The following EPS15 variants were observed in gnomAD, a reference collection of about 807,000 sequenced individuals.
The protein encoded by EPS15 is epidermal growth factor receptor pathway substrate 15.
A neutral mutation model predicts 113.8 loss-of-function variants in EPS15; 72 were observed. The observed-to-expected ratio is 0.63, with a 90% CI of 0.52 to 0.77. The LOEUF is 0.77. Among genes scored for constraint, EPS15 ranks in the 30% least tolerant of loss-of-function variants. The pLI, the probability that EPS15 is intolerant of heterozygous loss-of-function variation, is 0.00. For missense variants in EPS15, 1,048 were observed against 1,045.8 expected (o/e 1.00, Z -0.03); for synonymous variants, 344 against 363.4 (o/e 0.95, Z 0.61).
At chr1:51,469,611 ACTT>A (rs1314878081) in intron 4 of EPS15, among the ~76,000 whole-genome samples, 3 of 152,172 alleles carry the variant, frequency 2.0e-5, no homozygotes, top group South Asian at 2.1e-4. Context: ...ACCCTTCACT[ACTT>A]CTCTGAAATC....
At chr1:51,507,003 A>C (rs900490787) in intron 1 of EPS15, among the ~76,000 whole-genome samples, 21 of 152,174 alleles carry the variant, frequency 1.4e-4, no homozygotes, top group African/African-American at 4.8e-4. Flanking sequence ...CAACCAAATT[A>C]AATATGCTCG....
At position 51,408,178 on chromosome 1, in the gene EPS15, G is replaced by C. The variant is rs763509874; in HGVS notation, c.1430C>G (p.Pro477Arg). 2 of 1,614,048 alleles carry C rather than the reference G, an allele frequency of 1.2e-6. No homozygotes were observed. Among genetic ancestry groups the C allele is most frequent in the South Asian group, 2.2e-5 (2 of 91,084 alleles). The change falls in exon 15 of 25, where the codon CCT (proline) becomes CGT (arginine). Residue 477 changes from proline (P) to arginine (R), a missense_variant. Pro to Arg is a moderately radical substitution (Grantham distance 103, BLOSUM62 -2). Coordinates refer to ENST00000371733, the MANE Select transcript of EPS15 (RefSeq NM_001981.3). ...TGAATCTTGTAGGTGCTGCTGAAGAGGTTCCAACTGAGCCTTCCCTGACTC... is the reference window on the plus strand; with the variant it reads ...TGAATCTTGTAGGTGCTGCTGAAGACGTTCCAACTGAGCCTTCCCTGACTC... ...SVESGKAQLEPLQQHLQDSQQ... is the reference protein window; with the variant it reads ...SVESGKAQLERLQQHLQDSQQ...
chr1:51,493,786 A>AT (rs1374352109), intron 1 of EPS15, among the ~76,000 whole-genome samples: 7 of 150,596 alleles, frequency 4.6e-5, no homozygotes, highest in South Asian at 2.1e-4. Context: ...TAATTTTTGT[A>AT]TTTTTTTTAG....
chr1:51,452,022 C>T (rs796930849), intron 8 of EPS15, among the ~76,000 whole-genome samples: 2 of 151,804 alleles, frequency 1.3e-5, no homozygotes, highest in African/African-American at 4.8e-5. Context: ...GCTGGGTCTA[C>T]AGGTAAACGC....
intron 8 of EPS15, among the ~76,000 whole-genome samples, chr1:51,453,040 G>A (rs1241351793): frequency 1.3e-5 from 2 of 152,178 alleles, no homozygotes; most frequent in Non-Finnish European, 2.9e-5. Context: ...TTCAATTTCA[G>A]TTTTAGAAAC....
intron 1 of EPS15, among the ~76,000 whole-genome samples, chr1:51,493,695 T>A (rs1488763793): frequency 6.6e-6 from 1 of 151,420 alleles, no homozygotes; most frequent in Non-Finnish European, 1.5e-5. Flanking sequence ...CTCGGCTCAC[T>A]GCAACCTCCG....
chr1:51,519,232 G>A lies in EPS15; in HGVS notation c.-1C>T, dbSNP rs1296439422. On this transcript the variant is annotated 5_prime_UTR_variant, in exon 1 of 25. Coordinates refer to ENST00000371733, the MANE Select transcript of EPS15 (RefSeq NM_001981.3). ...GAGAGAGCTGGGCCGCCGCAGCCAT[G>A]GTGTTTCCATCATGCAAGGGAGGGG... 2.9e-6 allele frequency: 4 copies of A among 1,386,718 alleles called. No homozygotes were observed. Among genetic ancestry groups the A allele is most frequent in the East Asian group, 2.9e-5 (1 of 34,938 alleles). 85.9% of individuals were successfully genotyped at this position (1,386,718 alleles called of 1,614,324 possible). A position where few individuals can be genotyped will look rare whatever the true frequency, so the allele number is the denominator to read the frequency against.
At chr1:51,461,522 A>T (rs982321026) in intron 7 of EPS15, among the ~76,000 whole-genome samples, 41 of 73,066 alleles carry the variant, frequency 5.6e-4, no homozygotes, top group Non-Finnish European at 7.8e-4. Flanking sequence ...ACTGTTTCTT[A>T]AAAAAAAAAA....
In EPS15 at chr1:51,409,539, T is replaced by C. The variant is rs978913499; in HGVS notation, c.1271A>G (p.Gln424Arg). The change falls in exon 14 of 25, where the codon CAA becomes CGA. Residue 424 changes from glutamine (Q) to arginine (R), a missense_variant. By Grantham distance (43) the Gln-to-Arg change is conservative (BLOSUM62 1). Coordinates refer to ENST00000371733, the MANE Select transcript of EPS15 (RefSeq NM_001981.3). ...CAGGAAACAGCCAGACATTACCAGT[T>C]GGGCCTCCTCAGCACATTTCTTTCT... ...EVRKKCAEEA[Q>R]LISSLKAELT... The C allele has an allele frequency of 2.3e-5, 37 of 1,608,612 alleles. No individual in the cohort carries two copies. Among genetic ancestry groups the C allele is most frequent in the Non-Finnish European group, 3.1e-5 (36 of 1,178,684 alleles).
intron 4 of EPS15, 58 bp downstream of exon 4, chr1:51,471,632 G>T: frequency 2.3e-6 from 3 of 1,326,270 alleles, no homozygotes; most frequent in Non-Finnish European, 3.2e-6. Flanking sequence ...AAACCCTGCT[G>T]GCTATTTTTT....
At chr1:51,433,616 A>C (rs1651909935) in intron 12 of EPS15, among the ~76,000 whole-genome samples, 1 of 152,258 alleles carries the variant, frequency 6.6e-6, no homozygotes, top group Admixed American at 6.5e-5. Context: ...GGAAATGAAG[A>C]CTAGTTCATT....
At chr1:51,360,712 C>CATAT (rs145975448) in intron 24 of EPS15, among the ~76,000 whole-genome samples, 4,557 of 152,220 alleles carry the variant, frequency 0.03, 74 homozygotes, top group African/African-American at 0.05. Context: ...TCTATCCTCT[C>CATAT]ATATAATATT....
At chr1:51,469,772 C>T (rs1474473850) in intron 4 of EPS15, among the ~76,000 whole-genome samples, 1 of 152,100 alleles carries the variant, frequency 6.6e-6, no homozygotes. Context: ...ATTCATTCCA[C>T]AACCTTCTGT....
chr1:51,362,003 G>A (rs774351959), intron 23 of EPS15, among the ~76,000 whole-genome samples: 2 of 152,160 alleles, frequency 1.3e-5, no homozygotes, highest in Non-Finnish European at 2.9e-5. Flanking sequence ...ATAGTATTCT[G>A]TCCTATTAGT....
At chr1:51,356,987 C>A in intron 24 of EPS15, 141 bp from the exon 25 acceptor site, 3 of 638,972 alleles carry the variant, frequency 4.7e-6, no homozygotes, top group Admixed American at 3.2e-5. Context: ...TTTTTTTCCC[C>A]CTGAAAACAT....
At chr1:51,475,081 T>C (rs537781311) in intron 2 of EPS15, among the ~76,000 whole-genome samples, 13 of 152,312 alleles carry the variant, frequency 8.5e-5, no homozygotes, top group African/African-American at 1.4e-4. Context: ...CAGTCTATCA[T>C]TGATGGACAT....
At chr1:51,358,418 A>G (rs1267725742) in intron 24 of EPS15, among the ~76,000 whole-genome samples, 1 of 152,244 alleles carries the variant, frequency 6.6e-6, no homozygotes, top group Non-Finnish European at 1.5e-5. Context: ...CCAAACAGCA[A>G]CCTTGGCAAA....
chr1:51,409,420 T>C lies in EPS15; in HGVS notation c.1275+115A>G, dbSNP rs541431691. 1.0e-5 allele frequency: 10 copies of C among 965,218 alleles called. No homozygotes were observed. The East Asian group carries it at 2.5e-4, about 25-fold the overall frequency. The allele number at this position is 965,218 out of a possible 1,614,324, so 59.8% of individuals were successfully genotyped here. On this transcript the variant is annotated intron_variant, in intron 14 of 24. Transcript: ENST00000371733. ...CCATCGCCCCCATGAACCCAAATGC[T>C]GACTGGATTGCCAACCACCACCATC...
chr1:51,483,398 A>AGTGTGTGTGTGT (rs58892404), intron 1 of EPS15, among the ~76,000 whole-genome samples: 128 of 141,778 alleles, frequency 9.0e-4, no homozygotes, highest in African/African-American at 1.8e-3. Flanking sequence ...CAAGACTGCA[A>AGTGTGTGTGTGT]GTGTGTGTGT....
Sources: allele counts gnomAD v4.1 joint callset (sites outside exome capture counted in the v4.1 genomes callset), GRCh38; gene constraint gnomAD v4.1.1; transcripts MANE v1.5; gene names NCBI Gene and HGNC (gene_info 2026-07-23, HGNC 2026-07-21).